ADAMTS13: variants seen among roughly 807,000 people sequenced by gnomAD.
ADAMTS13 encodes the protein A disintegrin and metalloproteinase with thrombospondin motifs 13.
In ADAMTS13, 110 loss-of-function variants were observed where a neutral mutation model predicts 155.1. The ratio of observed to expected loss-of-function variants is 0.71; its 90% CI spans 0.61 to 0.83. The LOEUF (loss-of-function observed/expected upper bound fraction) is 0.83, where lower values mean the gene tolerates loss of function less well. Ranked by LOEUF, ADAMTS13 falls within the 40% of genes least tolerant of loss-of-function variation. ADAMTS13 has a pLI of 0.00. For synonymous variants in ADAMTS13, 758 were observed against 756.4 expected (o/e 1.00, Z -0.03); for missense variants, 1,707 against 1,891.7 (o/e 0.90, Z 1.81).
chr9:133,439,847 T>C (rs1841527455), intron 15 of ADAMTS13, among the ~76,000 whole-genome samples: 1 of 152,174 alleles, frequency 6.6e-6, no homozygotes, highest in South Asian at 2.1e-4. Flanking sequence ...GATTGACTAA[T>C]TGGCCAGGTG....
chr9:133,430,202 G>A (rs1446251430), intron 8 of ADAMTS13, 101 bp downstream of exon 8: 4 of 1,478,930 alleles, frequency 2.7e-6, no homozygotes, highest in Non-Finnish European at 3.7e-6. Context: ...GCTGGGTGCC[G>A]TGCTAGGCTG....
chr9:133,438,347 C>G lies in ADAMTS13; in HGVS notation c.1686C>G (p.Phe562Leu). The change falls in exon 14 of 29, where the codon TTC becomes TTG. Residue 562 changes from phenylalanine (F) to leucine (L), a missense_variant. By Grantham distance (22) the Phe-to-Leu change is conservative (BLOSUM62 0). Coordinates refer to ENST00000355699, the MANE Select transcript of ADAMTS13 (RefSeq NM_139027.6). ...NSTCSPRKGSFTAGRAREYVT... is the reference protein window; with the variant it reads ...NSTCSPRKGSLTAGRAREYVT... The stretch of plus-strand genomic sequence containing the variant: ...CGTGCAGCCCACGGAAGGGCTCTTT[C>G]ACAGCTGGCAGAGCGAGAGGTAGGC... The G allele has an allele frequency of 6.2e-7, 1 of 1,614,062 alleles. No homozygotes were observed. The highest frequency in any genetic ancestry group is 8.5e-7 in the Non-Finnish European group (1 of 1,180,010).
chr9:133,417,824 G>A (rs1258895856), upstream of ADAMTS13: 4 of 1,602,222 alleles, frequency 2.5e-6, no homozygotes, highest in Admixed American at 1.7e-5. Context: ...GCTTGGAGGC[G>A]GGGACCTTCG....
upstream of ADAMTS13, chr9:133,417,589 A>T (rs1554781904): frequency 6.2e-7 from 1 of 1,605,358 alleles, no homozygotes; most frequent in Non-Finnish European, 8.5e-7. Flanking sequence ...TGAGCTGCGC[A>T]GCGCTCCGCC....
chr9:133,430,147 G>GCATCACC, intron 8 of ADAMTS13, 46 bp downstream of exon 8: 4 of 1,546,742 alleles, frequency 2.6e-6, no homozygotes, highest in Non-Finnish European at 3.5e-6. Context: ...AGGTCCCTCC[G>GCATCACC]CATCACCCAG....
At chr9:133,433,809 A>AT in intron 11 of ADAMTS13, 105 bp downstream of exon 11, 1 of 1,391,880 alleles carries the variant, frequency 7.2e-7, no homozygotes, top group East Asian at 2.3e-5. Context: ...TGAGAAGGAC[A>AT]TTGGGGCCAG....
intron 25 of ADAMTS13, chr9:133,455,644 G>C (rs1226440211): frequency 5.0e-6 from 8 of 1,595,158 alleles, no homozygotes; most frequent in Non-Finnish European, 6.8e-6. Flanking sequence ...GCTGCTGCAG[G>C]AGGGGTGGGC....
In ADAMTS13 at chr9:133,424,522, C is replaced by T. The variant is rs1230897382; in HGVS notation, c.330+44C>T. The T allele has an allele frequency of 6.3e-7, 1 of 1,585,024 alleles. No individual in the cohort carries two copies. ...ACTGTGCAGGTCCCCACGGCCAGGG[C>T]TGGTGACCAATGTCTGTGGGCTGGT... On this transcript the variant is annotated intron_variant, in intron 3 of 28. Coordinates refer to ENST00000355699, the MANE Select transcript of ADAMTS13 (RefSeq NM_139027.6). The surrounding 1 kb of genome is among the most constrained non-coding windows in gnomAD (Gnocchi z 4.3).
chr9:133,429,649 G>A (rs371580059), intron 7 of ADAMTS13: 1 of 431,564 alleles, frequency 2.3e-6, no homozygotes, highest in Non-Finnish European at 4.4e-6. Context: ...TCCCCTTCCC[G>A]CCGACCGCAC....
In ADAMTS13 at chr9:133,455,264, C is replaced by A. The variant is rs587663142; in HGVS notation, c.3250-21C>A. ...CCTTCTGGCAGGGTCAGCTGTGACT[C>A]CTCCTCCCCTCTCTTGGCAGTGCTC... On this transcript the variant is annotated intron_variant, in intron 24 of 28. Transcript: ENST00000355699. The A allele has an allele frequency of 1.0e-5, 16 of 1,599,932 alleles. No individual in the cohort carries two copies. In the African/African-American group the frequency reaches 1.7e-4, roughly 17 times the overall value.
chr9:133,450,793 A>T (rs1842392347), intron 23 of ADAMTS13, among the ~76,000 whole-genome samples: 1 of 152,200 alleles, frequency 6.6e-6, no homozygotes, highest in Non-Finnish European at 1.5e-5. Context: ...TGGGGGGCTC[A>T]GTGGCCCAAG....
intron 28 of ADAMTS13, among the ~76,000 whole-genome samples, chr9:133,458,321 C>A (rs1055676273): frequency 6.6e-6 from 1 of 151,906 alleles, no homozygotes; most frequent in Admixed American, 6.6e-5. Flanking sequence ...TTTGGGAGGC[C>A]CAGGAGGGCA....
exon 1 of ADAMTS13, chr9:133,414,437 G>A: frequency 1.4e-6 from 1 of 693,242 alleles, no homozygotes; most frequent in Non-Finnish European, 2.6e-6. Flanking sequence ...CACGTGTACT[G>A]GCACCCACTA....
intron 21 of ADAMTS13, among the ~76,000 whole-genome samples, chr9:133,448,305 G>A (rs1037827285): frequency 2.6e-5 from 4 of 152,168 alleles, no homozygotes; most frequent in East Asian, 1.9e-4. Context: ...AATGCCTCTC[G>A]GTCAACAATA....
At chr9:133,436,338 C>T (rs1463060706) in intron 11 of ADAMTS13, among the ~76,000 whole-genome samples, 2 of 148,710 alleles carry the variant, frequency 1.3e-5, no homozygotes, top group African/African-American at 4.9e-5. Context: ...TTGGCTGGAG[C>T]ACAGGGTGGT....
At chr9:133,421,373 CCTT>C (rs1157402522), upstream of ADAMTS13, among the ~76,000 whole-genome samples, 1 of 152,242 alleles carries the variant, frequency 6.6e-6, no homozygotes, top group African/African-American at 2.4e-5. Flanking sequence ...CCAACAGCCT[CCTT>C]ACCTTCCTGC....
At position 133,425,967 on chromosome 9, in the gene ADAMTS13, C is replaced by T. The variant is rs1840252732; in HGVS notation, c.444C>T (p.Thr148=). ...EGAPNITANL[T]SSLLSVCGWS... is the part of the protein sequence containing the mutation. ...CTCCAAATATCACAGCCAACCTCAC[C>T]TCGTCCCTGCTGAGCGTCTGTGGGT... The change falls in exon 5 of 29, where the codon ACC becomes ACT. Residue 148 remains threonine, a synonymous_variant. Coordinates refer to ENST00000355699, the MANE Select transcript of ADAMTS13 (RefSeq NM_139027.6). The surrounding 1 kb of genome is among the most constrained non-coding windows in gnomAD (Gnocchi z 4.6). 5 of 1,613,762 alleles carry T rather than the reference C, an allele frequency of 3.1e-6. No homozygotes were observed. In the African/African-American group the frequency reaches 4.0e-5, roughly 13 times the overall value.
Position 133,422,531 on chromosome 9 carries a change from C to T in ADAMTS13, c.88C>T (p.Pro30Ser), listed in dbSNP as rs1554783675. The T allele has an allele frequency of 6.2e-7, 1 of 1,614,132 alleles. No homozygotes were observed. Among genetic ancestry groups the T allele is most frequent in the East Asian group, 2.2e-5 (1 of 44,876 alleles). ...TGGCTTTCTCCTGGGCTGCTGGGGA[C>T]CCTCCCATTTCCAGCAGGTGGGCTC... ...ACGFLLGCWG[P>S]SHFQQSCLQA... is the part of the protein sequence containing the mutation. Residue 30 changes from proline to serine, a missense_variant, in exon 1 of 29, where the codon CCC becomes TCC. This residue lies in a region of ADAMTS13 where 733 missense variants were observed against 749.6 expected (regional missense o/e 0.98). Coordinates refer to ENST00000355699, the MANE Select transcript of ADAMTS13 (RefSeq NM_139027.6).
chr9:133,431,780 G>A (rs1209107801), intron 8 of ADAMTS13, among the ~76,000 whole-genome samples: 2 of 152,216 alleles, frequency 1.3e-5, no homozygotes, highest in East Asian at 3.9e-4. Flanking sequence ...TCAGCCTCCC[G>A]AATAGCTGGG....
Sources: gnomAD v4.1 joint callset for allele counts (sites outside exome capture counted in the v4.1 genomes callset) on GRCh38, gnomAD v4.1.1 for gene constraint, gnomAD v4.1.1 regional missense constraint, Gnocchi (gnomAD v3.1) non-coding constraint, MANE v1.5 for transcripts, NCBI Gene and HGNC (gene_info 2026-07-23, HGNC 2026-07-21) for gene names.